DTNB: variants seen among roughly 807,000 people sequenced by gnomAD.
The protein encoded by DTNB is DTN-B.
DTNB carries 63 observed loss-of-function variants against 90.7 expected under a neutral mutation model. The observed-to-expected ratio is 0.69, with a 90% CI of 0.57 to 0.86. DTNB has a LOEUF of 0.86. DTNB is among the 40% of genes least tolerant of loss of function. The pLI is 0.00. For missense variants in DTNB, 744 were observed against 807.1 expected (o/e 0.92, Z 0.95); for synonymous variants, 277 against 286.7 (o/e 0.97, Z 0.34).
intron 10 of DTNB, among the ~76,000 whole-genome samples, chr2:25,472,014 A>G (rs373465506): frequency 6.6e-6 from 1 of 152,192 alleles, no homozygotes; most frequent in East Asian, 1.9e-4. Flanking sequence ...AGGCAGTACT[A>G]TGTGATTTAT....
intron 5 of DTNB, among the ~76,000 whole-genome samples, chr2:25,599,368 G>T (rs1451729469): frequency 1.3e-5 from 2 of 150,554 alleles, no homozygotes; most frequent in Non-Finnish European, 2.9e-5. Flanking sequence ...TTTAGACGGG[G>T]TCTCACTTTG....
chr2:25,550,283 C>T (rs1033239155), intron 8 of DTNB, among the ~76,000 whole-genome samples: 4 of 152,030 alleles, frequency 2.6e-5, no homozygotes, highest in East Asian at 2.0e-4. Flanking sequence ...CCCAGCTACT[C>T]GGGAGGCTGA....
At chr2:25,618,830 T>C (rs1236509438) in intron 4 of DTNB, among the ~76,000 whole-genome samples, 1 of 152,134 alleles carries the variant, frequency 6.6e-6, no homozygotes, top group African/African-American at 2.4e-5. Flanking sequence ...CATAGCCCTA[T>C]CATTTTACAG....
chr2:25,638,340 T>C (rs2077525752), intron 3 of DTNB, among the ~76,000 whole-genome samples: 1 of 152,214 alleles, frequency 6.6e-6, no homozygotes, highest in African/African-American at 2.4e-5. Context: ...ACATGTACCC[T>C]AGAACTTAAA....
chr2:25,624,226 G>A (rs974867986), intron 4 of DTNB, among the ~76,000 whole-genome samples: 1 of 152,154 alleles, frequency 6.6e-6, no homozygotes, highest in Non-Finnish European at 1.5e-5. Context: ...TCAAACCAAT[G>A]TAAATCTTAA....
In DTNB at chr2:25,531,612, A is replaced by G. The variant is rs2078216178; in HGVS notation, c.877-15T>C. On this transcript the variant is annotated splice_polypyrimidine_tract_variant and intron_variant, in intron 8 of 20. Coordinates refer to ENST00000406818, the MANE Select transcript of DTNB (RefSeq NM_021907.5). Reference sequence around the variant, plus strand: ...GCAGGAGATTTCTGTGTCAAAGCAGAAAATAGTAAGGAATTAACCCTTCAA... The same window carrying G: ...GCAGGAGATTTCTGTGTCAAAGCAGGAAATAGTAAGGAATTAACCCTTCAA... 1 of 1,612,638 alleles carries G rather than the reference A, an allele frequency of 6.2e-7. No individual in the cohort carries two copies. The highest frequency in any genetic ancestry group is 1.3e-5 in the African/African-American group (1 of 74,848).
At chr2:25,391,079 G>A (rs1210425962) in intron 16 of DTNB, among the ~76,000 whole-genome samples, 3 of 151,474 alleles carry the variant, frequency 2.0e-5, no homozygotes, top group Non-Finnish European at 2.9e-5. Flanking sequence ...TGTATTTTTC[G>A]TAGAGACAGG....
At chr2:25,574,364 G>A (rs576006646) in intron 8 of DTNB, among the ~76,000 whole-genome samples, 2 of 152,098 alleles carry the variant, frequency 1.3e-5, no homozygotes, top group Non-Finnish European at 2.9e-5. Context: ...GGTACCATAC[G>A]GCATTTTCTT....
At chr2:25,612,248 A>G (rs2068836979) in intron 4 of DTNB, among the ~76,000 whole-genome samples, 1 of 152,194 alleles carries the variant, frequency 6.6e-6, no homozygotes, top group African/African-American at 2.4e-5. Context: ...CTAAGGGGAA[A>G]AAAGCAAGGT....
intron 1 of DTNB, among the ~76,000 whole-genome samples, chr2:25,661,506 T>C (rs1217725887): frequency 6.6e-6 from 1 of 152,138 alleles, no homozygotes; most frequent in East Asian, 1.9e-4. Context: ...AAGGAAGGGA[T>C]TACTATACAA....
chr2:25,405,208 G>C (rs529170539), intron 16 of DTNB, among the ~76,000 whole-genome samples: 1 of 152,208 alleles, frequency 6.6e-6, no homozygotes, highest in African/African-American at 2.4e-5. Context: ...GATTATAGGC[G>C]TGAGCTACCA....
At chr2:25,493,177 A>G (rs1489736984) in intron 9 of DTNB, among the ~76,000 whole-genome samples, 17 of 152,176 alleles carry the variant, frequency 1.1e-4, no homozygotes, top group Non-Finnish European at 2.4e-4. Flanking sequence ...TATTGGTGTG[A>G]AAGGGGGAAA....
chr2:25,585,040 G>C (rs976811152), intron 6 of DTNB, among the ~76,000 whole-genome samples: 4 of 152,120 alleles, frequency 2.6e-5, no homozygotes, highest in Non-Finnish European at 5.9e-5. Context: ...TGAAAGGCAG[G>C]TTGGCTCTTT....
At chr2:25,502,213 A>C (rs1192405569) in intron 9 of DTNB, among the ~76,000 whole-genome samples, 3 of 152,110 alleles carry the variant, frequency 2.0e-5, no homozygotes, top group Non-Finnish European at 2.9e-5. Flanking sequence ...CAACAACAAC[A>C]AAACAAAAAA....
intron 8 of DTNB, among the ~76,000 whole-genome samples, chr2:25,564,712 CTT>C (rs2058761165): frequency 6.6e-6 from 1 of 152,110 alleles, no homozygotes; most frequent in African/African-American, 2.4e-5. Context: ...ATGTTTTCCA[CTT>C]TTTAGTGCAC....
intron 16 of DTNB, among the ~76,000 whole-genome samples, chr2:25,402,124 CTGGTGG>C (rs2043882015): frequency 6.6e-6 from 1 of 152,206 alleles, no homozygotes; most frequent in Non-Finnish European, 1.5e-5. Flanking sequence ...TGAGCTGGTG[CTGGTGG>C]TGACCATGCT....
chr2:25,502,262 T>C (rs983774374), intron 9 of DTNB, among the ~76,000 whole-genome samples: 1 of 151,820 alleles, frequency 6.6e-6, no homozygotes, highest in Non-Finnish European at 1.5e-5. Context: ...AAATGAGACA[T>C]TCGACAAAAA....
At chr2:25,572,456 G>A (rs1389373394) in intron 8 of DTNB, among the ~76,000 whole-genome samples, 1 of 147,660 alleles carries the variant, frequency 6.8e-6, no homozygotes, top group African/African-American at 2.5e-5. Context: ...GACAAAGCGA[G>A]ACTCCATCGC....
intron 14 of DTNB, among the ~76,000 whole-genome samples, chr2:25,428,900 A>C (rs2052852661): frequency 1.3e-5 from 2 of 152,220 alleles, no homozygotes; most frequent in Non-Finnish European, 2.9e-5. Context: ...TCTGAGGATC[A>C]TATAAGGTAA....
Sources: allele counts gnomAD v4.1 joint callset (sites outside exome capture counted in the v4.1 genomes callset), GRCh38; gene constraint gnomAD v4.1.1; transcripts MANE v1.5; gene names NCBI Gene and HGNC (gene_info 2026-07-23, HGNC 2026-07-21).